The following SPCS3 variants were observed in gnomAD, a reference collection of about 807,000 sequenced individuals.
SPCS3 encodes the protein SPase 22 kDa subunit.
SPCS3 carries 9 observed loss-of-function variants against 17.2 expected under a neutral mutation model. The ratio of observed to expected loss-of-function variants is 0.52; its 90% confidence interval spans 0.31 to 0.91. The LOEUF is 0.91. SPCS3 is among the 40% of genes least tolerant of loss of function. SPCS3 has a pLI of 0.04. For missense variants in SPCS3, 139 were observed against 217.5 expected, an observed-to-expected ratio of 0.64 and a Z score of 2.27; for synonymous variants, 87 against 89.6, an observed-to-expected ratio of 0.97 and a Z score of 0.16.
intron 2 of SPCS3, among the ~76,000 whole-genome samples, chr4:176,323,666 C>T (rs1731566634): frequency 6.6e-6 from 1 of 152,124 alleles, no homozygotes; most frequent in African/African-American, 2.4e-5. Flanking sequence ...GTGTCATTTG[C>T]ATCTTTGAGA....
chr4:176,324,186 G>A lies in SPCS3; in HGVS notation c.223G>A (p.Glu75Lys). 1 of 1,155,952 alleles carries A rather than the reference G, an allele frequency of 8.7e-7. No individual in the cohort carries two copies. The highest frequency in any genetic ancestry group is 1.6e-5 in the African/African-American group (1 of 62,984). 71.6% of individuals were successfully genotyped at this position (1,155,952 alleles called of 1,614,324 possible). The change falls in exon 3 of 5, where the codon GAG (glutamate) becomes AAG (lysine). Residue 75 changes from glutamate (E) to lysine (K), a missense_variant. Coordinates refer to ENST00000503362, the MANE Select transcript of SPCS3 (RefSeq NM_021928.4). ...FITFDITADL[E>K]NIFDWNVKQL... Reference sequence around the variant, plus strand: ...ATTTTCCTTAATTTACTTACATCTAGAGAATATATTTGATTGGAATGTTAA... The same window carrying A: ...ATTTTCCTTAATTTACTTACATCTAAAGAATATATTTGATTGGAATGTTAA...
At position 176,328,693 on chromosome 4, in the gene SPCS3, A is replaced by G. The variant is rs150100723; in HGVS notation, c.*363A>G. 1.4e-3 allele frequency: 220 copies of G among 153,938 alleles called. 4 individuals carry two copies. The highest frequency in any genetic ancestry group is 0.012 in the East Asian group (63 of 5,296). 9.5% of individuals were successfully genotyped at this position (153,938 alleles called of 1,614,324 possible). A position where few individuals can be genotyped will look rare whatever the true frequency, so the allele number is the denominator to read the frequency against. ...AGTTAAAACTTTCAGGTGCCTGTAG[A>G]GTCATAATAACTGTATTTTATGCCT... On this transcript the variant is annotated 3_prime_UTR_variant, in exon 5 of 5. Transcript: ENST00000503362.
At chr4:176,320,329 C>T (rs1731518550) in intron 1 of SPCS3, 110 bp downstream of exon 1, 2 of 1,059,876 alleles carry the variant, frequency 1.9e-6, no homozygotes, top group East Asian at 7.9e-5. Flanking sequence ...GCAGGGCGTC[C>T]GGATCGCCCT....
rs1055457772 is a variant in SPCS3 at position 176,327,027 on chromosome 4, T to C, written c.295-135T>C. The C allele has an allele frequency of 2.4e-5, 13 of 541,808 alleles. No individual in the cohort carries two copies. In the Admixed American group the frequency reaches 5.0e-4, roughly 21 times the overall value. The allele number at this position is 541,808 out of a possible 1,614,324, so 33.6% of individuals were successfully genotyped here. ...ATCTCTCTCTTTGCTATCATTTGTA[T>C]GCATTAAGATTTCAGCAAGCTCCTC... On this transcript the variant is annotated intron_variant, in intron 3 of 4. Transcript: ENST00000503362.
At chr4:176,321,008 T>C (rs894931544) in intron 1 of SPCS3, 8 of 152,268 alleles carry the variant, frequency 5.3e-5, no homozygotes, top group Admixed American at 3.3e-4. Flanking sequence ...TTTTATTCTC[T>C]GGCACTTTTG....
At chr4:176,327,616 T>G (rs760631766) in intron 4 of SPCS3, among the ~76,000 whole-genome samples, 34 of 152,210 alleles carry the variant, frequency 2.2e-4, no homozygotes, top group Non-Finnish European at 4.6e-4. Flanking sequence ...AGCAGCATGT[T>G]GGGTCTAGGA....
chr4:176,330,905 A>G lies in SPCS3; in HGVS notation c.*2575A>G, dbSNP rs890004108. 23 of 152,246 alleles carry G rather than the reference A, an allele frequency of 1.5e-4. No homozygotes were observed. Among genetic ancestry groups the G allele is most frequent in the African/African-American group, 5.3e-4 (22 of 41,470 alleles). 9.4% of individuals were successfully genotyped at this position (152,246 alleles called of 1,614,324 possible). On this transcript the variant is annotated 3_prime_UTR_variant, in exon 5 of 5. Coordinates refer to ENST00000503362, the MANE Select transcript of SPCS3 (RefSeq NM_021928.4). ...ATCCCTTTCTCTAACAGTTTAACCT[A>G]GACAAACATCTGTATCAGTATTTTT...
At chr4:176,321,325 G>A (rs1448258147) in intron 1 of SPCS3, 1 of 152,104 alleles carries the variant, frequency 6.6e-6, no homozygotes, top group Non-Finnish European at 1.5e-5. Flanking sequence ...TCTTGAGCAA[G>A]TTTTCTTACC....
chr4:176,324,493 C>T (rs1731578600), intron 3 of SPCS3, among the ~76,000 whole-genome samples: 1 of 152,118 alleles, frequency 6.6e-6, no homozygotes, highest in South Asian at 2.1e-4. Context: ...GCATTGGGGT[C>T]TCCAGAATGG....
In SPCS3 at chr4:176,328,441, T is replaced by G. The variant is rs1407327100; in HGVS notation, c.*111T>G. ...GGTTTGTTTTTTGGTTTTGGGTTTT[T>G]TTTTTTTTTTTTTTGGTATAAGAAC... On this transcript the variant is annotated 3_prime_UTR_variant, in exon 5 of 5. Transcript: ENST00000503362. 11 of 573,018 alleles carry G rather than the reference T, an allele frequency of 1.9e-5. No homozygotes were observed. The South Asian group carries it at 3.3e-4, about 17-fold the overall frequency. The allele number at this position is 573,018 out of a possible 1,614,324, so 35.5% of individuals were successfully genotyped here.
Position 176,324,175 on chromosome 4 carries a change from A to G in SPCS3, c.218-6A>G. ...CATAAATTTATATTTTCCTTAATTT[A>G]CTTACATCTAGAGAATATATTTGAT... On this transcript the variant is annotated splice_region_variant and splice_polypyrimidine_tract_variant and intron_variant, in intron 2 of 4. Coordinates refer to ENST00000503362, the MANE Select transcript of SPCS3 (RefSeq NM_021928.4). The G allele has an allele frequency of 2.7e-6, 3 of 1,125,962 alleles. No homozygotes were observed. The highest frequency in any genetic ancestry group is 1.6e-5 in the South Asian group (1 of 62,660). 69.7% of individuals were successfully genotyped at this position (1,125,962 alleles called of 1,614,324 possible).
rs528145047 is a variant in SPCS3 at position 176,331,006 on chromosome 4, G to C, written c.*2676G>C. On this transcript the variant is annotated 3_prime_UTR_variant, in exon 5 of 5. Coordinates refer to ENST00000503362, the MANE Select transcript of SPCS3 (RefSeq NM_021928.4). ...ACAAAAACTTCAGAAATTCCTAAGG[G>C]TGTAATAAGAAAGTGGGTTTTGAGT... The C allele has an allele frequency of 2.0e-5, 3 of 152,088 alleles. No homozygotes were observed. The highest frequency in any genetic ancestry group is 4.4e-5 in the Non-Finnish European group (3 of 68,022). 9.4% of individuals were successfully genotyped at this position (152,088 alleles called of 1,614,324 possible).
At chr4:176,326,957 G>T in intron 3 of SPCS3, 1 of 396,930 alleles carries the variant, frequency 2.5e-6, no homozygotes, top group Non-Finnish European at 4.5e-6. Context: ...ACTCCTTCAG[G>T]GAATTGTCAT....
Position 176,320,085 on chromosome 4 carries a change from G to A in SPCS3, c.9G>A (p.Thr3=), listed in dbSNP as rs574633870. Residue 3 remains threonine (T), a synonymous_variant, in exon 1 of 5, where the codon ACG becomes ACA. Transcript: ENST00000503362. ...CGTGGGAGACGATCGCGATGAACACGGTGCTGTCGCGGGCGAACTCACTGT... is the reference window on the plus strand; with the variant it reads ...CGTGGGAGACGATCGCGATGAACACAGTGCTGTCGCGGGCGAACTCACTGT... MN[T]VLSRANSLFA... is the part of the protein sequence containing the mutation. 7.2e-4 allele frequency: 1,128 copies of A among 1,560,476 alleles called. 19 individuals carry two copies. The South Asian group carries it at 0.012, about 17-fold the overall frequency.
Position 176,327,183 on chromosome 4 carries a change from TG to T in SPCS3, c.319del (p.Asp107ThrfsTer5). On this transcript the variant is annotated frameshift_variant, in exon 4 of 5. Transcript: ENST00000503362. LOFTEE classifies it high-confidence loss of function. ...ATAGGCTCTGAACCAAGTTGTCCTA[TG>T]GGACAAGATTGTTTTGAGAGGTGAT... is the stretch of plus-strand genomic sequence containing the variant. ...KNNALNQVVL[W>X]DKIVLRGDNP... 6.3e-7 allele frequency: 1 copy of T among 1,587,494 alleles called. No homozygotes were observed. The highest frequency in any genetic ancestry group is 1.8e-5 in the Admixed American group (1 of 54,204).
At chr4:176,328,097 A>G (rs1731632353) in intron 4 of SPCS3, 101 bp from the exon 5 acceptor site, 1 of 1,063,234 alleles carries the variant, frequency 9.4e-7, no homozygotes, top group Non-Finnish European at 1.4e-6. Flanking sequence ...TTAGGAATAG[A>G]TGGTTATAAA....
chr4:176,319,999 A>G lies in SPCS3; in HGVS notation c.-78A>G, dbSNP rs1731511788. 3 of 1,369,498 alleles carry G rather than the reference A, an allele frequency of 2.2e-6. No individual in the cohort carries two copies. Among genetic ancestry groups the G allele is most frequent in the East Asian group, 3.1e-5 (1 of 32,692 alleles). 84.8% of individuals were successfully genotyped at this position (1,369,498 alleles called of 1,614,324 possible). ...AACGCGCGCACCGCAGACGGCGCGG[A>G]TCGCAGGGAGCCGGTCCGCCGCCGG... On this transcript the variant is annotated 5_prime_UTR_variant, in exon 1 of 5. Transcript: ENST00000503362.
chr4:176,320,576 T>A (rs1731523253), intron 1 of SPCS3: 2 of 155,596 alleles, frequency 1.3e-5, no homozygotes, highest in East Asian at 1.9e-4. Context: ...GCCGCCCGCC[T>A]GGGCTGGCGC....
At chr4:176,321,853 T>C (rs2126999836) in intron 1 of SPCS3, 1 of 190,336 alleles carries the variant, frequency 5.3e-6, no homozygotes, top group South Asian at 1.2e-4. Context: ...CTTGTAGTCA[T>C]GTGTAGCTTT....
Sources: allele counts gnomAD v4.1 joint callset (sites outside exome capture counted in the v4.1 genomes callset), GRCh38; gene constraint gnomAD v4.1.1; transcripts MANE v1.5; gene names NCBI Gene and HGNC (gene_info 2026-07-23, HGNC 2026-07-21).